Variants in RPS6KL1 observed in about 807,000 individuals in gnomAD.
The protein encoded by RPS6KL1 is ribosomal protein S6 kinase like 1, also known as ribosomal protein S6 kinase-like 1.
A neutral mutation model predicts 57.0 loss-of-function variants in RPS6KL1; 41 were observed. The observed-to-expected ratio is 0.72, with a 90% CI of 0.56 to 0.93. The LOEUF (loss-of-function observed/expected upper bound fraction) is 0.93. Among genes scored for constraint, RPS6KL1 ranks in the 40% least tolerant of loss-of-function variants. The pLI is 0.00. For missense variants in RPS6KL1, 697 were observed against 727.7 expected (o/e 0.96, Z 0.49); for synonymous variants, 287 against 309.7 (o/e 0.93, Z 0.77).
rs941006257 is a variant in RPS6KL1, at chr14:74,921,967, C to T, written c.-21+11G>A. The T allele has an allele frequency of 2.9e-5, 7 of 238,148 alleles. No individual in the cohort carries two copies. Among genetic ancestry groups the T allele is most frequent in the South Asian group, 1.6e-4 (2 of 12,602 alleles). The allele number at this position is 238,148 out of a possible 1,614,324, so 14.8% of individuals were successfully genotyped here. A position where few individuals can be genotyped will look rare whatever the true frequency, so the allele number is the denominator to read the frequency against. On this transcript the variant is annotated intron_variant, in intron 2 of 11. Coordinates refer to ENST00000557413, the MANE Select transcript of RPS6KL1 (RefSeq NM_031464.5). ...CTATGTTTTGTATTTGTAGTAGAGA[C>T]GGGGTTTTACCATGTTGGCCAGGCT...
intron 5 of RPS6KL1, among the ~76,000 whole-genome samples, chr14:74,912,221 T>C (rs1319775580): frequency 6.6e-6 from 1 of 152,138 alleles, no homozygotes; most frequent in Non-Finnish European, 1.5e-5. Context: ...TAGTAGGTGC[T>C]AGACACATGC....
In RPS6KL1 at chr14:74,907,299, G is replaced by A. The variant is rs534327128; in HGVS notation, c.1539+136C>T. 4.6e-4 allele frequency: 650 copies of A among 1,424,492 alleles called. 1 individual carries two copies. The highest frequency in any genetic ancestry group is 7.5e-4 in the Middle Eastern group (3 of 4,002). 88.2% of individuals were successfully genotyped at this position (1,424,492 alleles called of 1,614,324 possible). On this transcript the variant is annotated intron_variant, in intron 11 of 11. Coordinates refer to ENST00000557413, the MANE Select transcript of RPS6KL1 (RefSeq NM_031464.5). Reference sequence around the variant, plus strand: ...TGGTTGGCCACCAACATATAGAAATGTGTTGCCCCTACTGCCCTCTGCACC... The same window carrying A: ...TGGTTGGCCACCAACATATAGAAATATGTTGCCCCTACTGCCCTCTGCACC...
intron 5 of RPS6KL1, among the ~76,000 whole-genome samples, chr14:74,915,563 T>G (rs1421842886): frequency 6.6e-6 from 1 of 152,158 alleles, no homozygotes; most frequent in African/African-American, 2.4e-5. Context: ...CCTAAAGGTT[T>G]CAAACAAGTT....
At position 74,911,289 on chromosome 14, in the gene RPS6KL1, A is replaced by C; in HGVS notation, c.623T>G (p.Val208Gly). ...PYMTKLLRYF[V>G]SEDSIFLHLE... Reference sequence around the variant, plus strand: ...GTGCAGGAAGATGGAGTCCTCGCTCACAAAGTACCTGAGCAGCTTCGTCAT... The same window carrying C: ...GTGCAGGAAGATGGAGTCCTCGCTCCCAAAGTACCTGAGCAGCTTCGTCAT... The change falls in exon 7 of 12, where the codon GTG becomes GGG. Residue 208 changes from valine to glycine, a missense_variant. Physicochemically the swap from Val to Gly is moderately radical, Grantham distance 109. Coordinates refer to ENST00000557413, the MANE Select transcript of RPS6KL1 (RefSeq NM_031464.5). 1 of 1,612,842 alleles carries C rather than the reference A, an allele frequency of 6.2e-7. No homozygotes were observed. Among genetic ancestry groups the C allele is most frequent in the Non-Finnish European group, 8.5e-7 (1 of 1,180,010 alleles).
intron 2 of RPS6KL1, 199 bp from the exon 3 acceptor site, chr14:74,921,760 G>A: frequency 7.6e-7 from 1 of 1,315,194 alleles, no homozygotes; most frequent in Non-Finnish European, 9.8e-7. Flanking sequence ...AACCAGCTCA[G>A]GATTCTGTTT....
rs1566844076 is a variant in RPS6KL1 at position 74,923,219 on chromosome 14, C to G, written c.-568G>C. 6.6e-6 allele frequency: 1 copy of G among 152,240 alleles called. No homozygotes were observed. The highest frequency in any genetic ancestry group is 2.4e-5 in the African/African-American group (1 of 41,432). The allele number at this position is 152,240 out of a possible 1,614,324, so 9.4% of individuals were successfully genotyped here. On this transcript the variant is annotated 5_prime_UTR_variant, in exon 1 of 12. Coordinates refer to ENST00000557413, the MANE Select transcript of RPS6KL1 (RefSeq NM_031464.5). Reference sequence around the variant, plus strand: ...AGCCGGGTCCGCGGGCCAGGCCTCCCCCTCACGTACCGGCCCTTCACGCCA... The same window carrying G: ...AGCCGGGTCCGCGGGCCAGGCCTCCGCCTCACGTACCGGCCCTTCACGCCA...
At chr14:74,909,253 T>C in intron 8 of RPS6KL1, 63 bp from the exon 9 acceptor site, 1 of 1,485,048 alleles carries the variant, frequency 6.7e-7, no homozygotes. Context: ...GGGGAGGGGG[T>C]TGCAGGGCTT....
In RPS6KL1 at chr14:74,922,030, C is replaced by T. The variant is rs1214093800; in HGVS notation, c.-73G>A. Reference sequence around the variant, plus strand: ...CTGACCTCAAGTGATCCGTCTGCCTCGGCCTCCCACAGTGCTGGGATTATA... The same window carrying T: ...CTGACCTCAAGTGATCCGTCTGCCTTGGCCTCCCACAGTGCTGGGATTATA... On this transcript the variant is annotated 5_prime_UTR_variant, in exon 2 of 12. Transcript: ENST00000557413. 1.7e-5 allele frequency: 5 copies of T among 292,818 alleles called. No homozygotes were observed. Among genetic ancestry groups the T allele is most frequent in the South Asian group, 9.1e-5 (1 of 11,046 alleles). 18.1% of individuals were successfully genotyped at this position (292,818 alleles called of 1,614,324 possible). A position where few individuals can be genotyped will look rare whatever the true frequency, so the allele number is the denominator to read the frequency against.
chr14:74,920,953 C>A (rs1449824074), intron 3 of RPS6KL1, among the ~76,000 whole-genome samples: 1 of 152,162 alleles, frequency 6.6e-6, no homozygotes, highest in Non-Finnish European at 1.5e-5. Context: ...CTGCCCCATG[C>A]CTCAGCTTCC....
Position 74,918,558 on chromosome 14 carries a change from G to A in RPS6KL1, c.438C>T (p.Ala146=), listed in dbSNP as rs73307712. The change falls in exon 5 of 12, where the codon GCC becomes GCT. Residue 146 remains alanine, a synonymous_variant. Transcript: ENST00000557413. The part of the protein sequence containing the change: ...RLRPIRTLSS[A]VEQLRGCRVV... Reference sequence around the variant, plus strand: ...CCCTGCAGCCCCTCAGCTGCTCCACGGCAGAGCTCAGCGTGCGAATGGGCC... The same window carrying A: ...CCCTGCAGCCCCTCAGCTGCTCCACAGCAGAGCTCAGCGTGCGAATGGGCC... 3,643 of 1,534,536 alleles carry A rather than the reference G, an allele frequency of 2.4e-3. 72 individuals carry two copies. In the African/African-American group the frequency reaches 0.045, roughly 19 times the overall value.
In RPS6KL1 at chr14:74,921,353, G is replaced by GGA; in HGVS notation, c.188_189insTC (p.Asp64ProfsTer37). ...CCGCCTCATAGTCCTCACTAACATC[G>GGA]CGCTCCAGGGCCAGCCGGATCTGCG... On this transcript the variant is annotated frameshift_variant, in exon 3 of 12. Transcript: ENST00000557413. LOFTEE classifies it high-confidence loss of function. The GGA allele has an allele frequency of 3.1e-6, 5 of 1,614,190 alleles. No homozygotes were observed. The highest frequency in any genetic ancestry group is 3.4e-6 in the Non-Finnish European group (4 of 1,180,038).
intron 4 of RPS6KL1, among the ~76,000 whole-genome samples, chr14:74,919,112 T>G (rs1475591133): frequency 6.6e-6 from 1 of 152,016 alleles, no homozygotes; most frequent in South Asian, 2.1e-4. Context: ...GAGGCGGAGG[T>G]TGCAGTGAGC....
intron 2 of RPS6KL1, 192 bp downstream of exon 2, chr14:74,921,786 T>TC (rs1289841609): frequency 1.5e-6 from 2 of 1,333,550 alleles, no homozygotes; most frequent in African/African-American, 1.5e-5. Flanking sequence ...TCTTTTTTTT[T>TC]TTTTTTTTTG....
chr14:74,918,951 A>G (rs1428365130), intron 4 of RPS6KL1, among the ~76,000 whole-genome samples: 3 of 152,226 alleles, frequency 2.0e-5, no homozygotes. Flanking sequence ...CGAGGCGGGC[A>G]GATCACTTGA....
chr14:74,916,442 T>C (rs1385464561), intron 5 of RPS6KL1, among the ~76,000 whole-genome samples: 5 of 152,046 alleles, frequency 3.3e-5, no homozygotes, highest in Non-Finnish European at 7.4e-5. Context: ...CCCAAGTGCT[T>C]TGGGAGGCCT....
rs1422710343 is a variant in RPS6KL1, at chr14:74,906,771, A to G, written c.*243T>C. On this transcript the variant is annotated 3_prime_UTR_variant, in exon 12 of 12. Transcript: ENST00000557413. ...AACGGGTCTGTTGACTGATGGGTAG[A>G]TGGTTCAAGCTGCTTAGCAGGGCAA... 3 of 671,576 alleles carry G rather than the reference A, an allele frequency of 4.5e-6. No individual in the cohort carries two copies. The allele number at this position is 671,576 out of a possible 1,614,324, so 41.6% of individuals were successfully genotyped here.
chr14:74,916,932 C>T (rs561751446), intron 5 of RPS6KL1, among the ~76,000 whole-genome samples: 1 of 152,314 alleles, frequency 6.6e-6, no homozygotes, highest in African/African-American at 2.4e-5. Flanking sequence ...TATGGTTCAG[C>T]GGGATCGTAC....
At chr14:74,917,011 C>T (rs570106984) in intron 5 of RPS6KL1, among the ~76,000 whole-genome samples, 2 of 152,312 alleles carry the variant, frequency 1.3e-5, no homozygotes, top group East Asian at 3.9e-4. Flanking sequence ...AAGGTTGGGT[C>T]GTGGCCACTG....
chr14:74,921,141 T>C (rs1458450970), intron 3 of RPS6KL1, 136 bp downstream of exon 3: 2 of 726,782 alleles, frequency 2.8e-6, no homozygotes, highest in Non-Finnish European at 4.6e-6. Context: ...TTGTCTTTTA[T>C]GGAGGCCCTG....
Sources: allele counts gnomAD v4.1 joint callset (sites outside exome capture counted in the v4.1 genomes callset), GRCh38; gene constraint gnomAD v4.1.1; transcripts MANE v1.5; gene names NCBI Gene and HGNC (gene_info 2026-07-23, HGNC 2026-07-21).